PCNX2: variants seen among roughly 807,000 people sequenced by gnomAD.
PCNX2 encodes pecanex-like protein 2.
PCNX2 carries 168 observed loss-of-function variants against 223.8 expected under a neutral mutation model. That is an observed-to-expected ratio of 0.75 (90% CI 0.66 to 0.85). The LOEUF (loss-of-function observed/expected upper bound fraction) is 0.85, where lower values mean the gene tolerates loss of function less well. PCNX2 is among the 40% of genes least tolerant of loss of function. The pLI, the probability that PCNX2 is intolerant of heterozygous loss-of-function variation, is 0.00. For synonymous variants in PCNX2, 1,006 were observed against 1,052.6 expected (o/e 0.96, Z 0.86); for missense variants, 2,507 against 2,675.5 (o/e 0.94, Z 1.39).
At position 233,126,517 on chromosome 1, in the gene PCNX2, T is replaced by TG. The variant is rs1676109333; in HGVS notation, c.3837+8495_3837+8496insC. Among the ~76,000 whole-genome samples the TG allele has an allele frequency of 1.4e-5, 2 of 147,948 alleles. No individual in the cohort carries two copies. The highest frequency in any genetic ancestry group is 7.1e-5 in the Admixed American group (1 of 14,046). On this transcript the variant is annotated intron_variant, in intron 21 of 33. Coordinates refer to ENST00000258229, the MANE Select transcript of PCNX2 (RefSeq NM_014801.4). The surrounding 1 kb of genome is among the most constrained non-coding windows in gnomAD (Gnocchi z 4.8). ...AAATTTGTGTGGTGTGTGTGTGTGT[T>TG]TGTGTGTGTGTGTGTGTGTGTAAAT...
At chr1:233,060,169 T>G (rs780499255) in intron 23 of PCNX2, among the ~76,000 whole-genome samples, 3 of 152,324 alleles carry the variant, frequency 2.0e-5, no homozygotes, top group Non-Finnish European at 4.4e-5. Flanking sequence ...TCATAGCAGC[T>G]TTGAAAAATG....
At chr1:233,303,980 G>A in the PCNX2 span, among the ~76,000 whole-genome samples, 2 of 152,148 alleles carry the variant, frequency 1.3e-5, no homozygotes, top group Non-Finnish European at 2.9e-5. Flanking sequence ...TACATTTAAT[G>A]CAGTTGTAAT....
intron 19 of PCNX2, among the ~76,000 whole-genome samples, chr1:233,141,933 C>G (rs1466720350): frequency 6.6e-6 from 1 of 151,514 alleles, no homozygotes; most frequent in African/African-American, 2.4e-5. Flanking sequence ...TACAAACACT[C>G]CAACAATGAG....
chr1:233,023,270 CCTT>C (rs1217793443), intron 26 of PCNX2, among the ~76,000 whole-genome samples: 4 of 152,340 alleles, frequency 2.6e-5, no homozygotes, highest in South Asian at 2.1e-4. Context: ...TCTGTTTTCT[CCTT>C]CTTCTGTGAA....
intron 19 of PCNX2, among the ~76,000 whole-genome samples, chr1:233,156,576 A>G (rs960863743): frequency 2.0e-5 from 3 of 152,038 alleles, no homozygotes; most frequent in Non-Finnish European, 2.9e-5. Flanking sequence ...TGGGGAATCT[A>G]TTCAGGTTTA....
chr1:232,986,671 A>C, intron 32 of PCNX2, 131 bp from the exon 33 acceptor site: 2 of 845,686 alleles, frequency 2.4e-6, no homozygotes, highest in Non-Finnish European at 3.4e-6. Context: ...CAAGGCTGGG[A>C]CAAGAGCTGG....
chr1:233,240,933 T>G (rs1358065267), intron 8 of PCNX2, among the ~76,000 whole-genome samples: 1 of 152,222 alleles, frequency 6.6e-6, no homozygotes, highest in Non-Finnish European at 1.5e-5. Flanking sequence ...AAATTCTTCA[T>G]CTTCCCCAGA....
At chr1:232,985,627 T>C (rs1245340805) in intron 33 of PCNX2, 1 of 312,716 alleles carries the variant, frequency 3.2e-6, no homozygotes, top group African/African-American at 2.1e-5. Flanking sequence ...AGTATTTAAA[T>C]ACCTAAAAGC....
At chr1:233,250,617 T>A (rs1659395619) in intron 8 of PCNX2, 122 bp downstream of exon 8, 2 of 1,343,112 alleles carry the variant, frequency 1.5e-6, no homozygotes, top group Non-Finnish European at 1.9e-6. Flanking sequence ...CAAAACCACA[T>A]GCCTTAACAA....
chr1:233,272,129 T>C lies in PCNX2; in HGVS notation c.154-8966A>G, dbSNP rs142597643. On this transcript the variant is annotated intron_variant, in intron 1 of 33. Transcript: ENST00000258229. The stretch of plus-strand genomic sequence containing the variant: ...CCAAAAGCAAACGCAACAAAAGCAA[T>C]TGTAAATAAGTAGGACTTAATTAAA... Among the ~76,000 whole-genome samples the C allele has an allele frequency of 8.3e-4, 126 of 152,138 alleles. No individual in the cohort carries two copies. In the East Asian group the frequency reaches 0.021, roughly 25 times the overall value.
At chr1:233,202,701 T>C (rs1325459910) in intron 13 of PCNX2, among the ~76,000 whole-genome samples, 1 of 152,200 alleles carries the variant, frequency 6.6e-6, no homozygotes, top group African/African-American at 2.4e-5. Flanking sequence ...AAACCTCCAC[T>C]TATCTCCAAA....
intron 17 of PCNX2, among the ~76,000 whole-genome samples, chr1:233,165,758 G>C (rs1678757613): frequency 6.6e-6 from 1 of 152,154 alleles, no homozygotes; most frequent in African/African-American, 2.4e-5. Flanking sequence ...TCCTGGATTT[G>C]AAGATTCAGT....
At chr1:233,114,451 A>G (rs1006282499) in intron 21 of PCNX2, among the ~76,000 whole-genome samples, 13 of 152,232 alleles carry the variant, frequency 8.5e-5, no homozygotes, top group African/African-American at 3.1e-4. Flanking sequence ...GGCCAGTGTC[A>G]TGGGTTTGCC....
At chr1:233,319,746 T>C in the PCNX2 span, among the ~76,000 whole-genome samples, 3 of 152,212 alleles carry the variant, frequency 2.0e-5, no homozygotes, top group African/African-American at 7.2e-5. Context: ...TGCTTAAAAA[T>C]TATTAAAAAC....
chr1:233,192,913 AAAGTT>A (rs1207881356), intron 15 of PCNX2, among the ~76,000 whole-genome samples: 1 of 150,340 alleles, frequency 6.7e-6, no homozygotes, highest in African/African-American at 2.4e-5. Flanking sequence ...TTGCACACAA[AAAGTT>A]AAAAGGATAG....
rs548581845 is a variant in PCNX2 at position 233,046,745 on chromosome 1, C to A, written c.4351+7523G>T. On this transcript the variant is annotated intron_variant, in intron 25 of 33. Coordinates refer to ENST00000258229, the MANE Select transcript of PCNX2 (RefSeq NM_014801.4). ...GCCTCTATCTTGGGGATGGCTACATCTGTCAGTTCTAAGCCTCCTTCTGTA... is the reference window on the plus strand; with the variant it reads ...GCCTCTATCTTGGGGATGGCTACATATGTCAGTTCTAAGCCTCCTTCTGTA... Among the ~76,000 whole-genome samples, 16 of 152,322 alleles carry A rather than the reference C, an allele frequency of 1.1e-4. 1 individual carries two copies. In the South Asian group the frequency reaches 3.3e-3, roughly 32 times the overall value.
chr1:233,257,262 G>A (rs1659780722), intron 5 of PCNX2, among the ~76,000 whole-genome samples: 1 of 90,240 alleles, frequency 1.1e-5, no homozygotes, highest in Non-Finnish European at 2.8e-5. Context: ...GAACTTACTA[G>A]ATACTTGGGA....
chr1:233,186,410 G>A (rs1436681837), intron 15 of PCNX2, among the ~76,000 whole-genome samples: 2 of 152,094 alleles, frequency 1.3e-5, no homozygotes, highest in African/African-American at 4.8e-5. Flanking sequence ...GTGTCACCCA[G>A]TCCCTGAACT....
At chr1:233,119,468 C>T (rs1675630924) in intron 21 of PCNX2, among the ~76,000 whole-genome samples, 1 of 144,736 alleles carries the variant, frequency 6.9e-6, no homozygotes, top group Non-Finnish European at 1.5e-5. Context: ...GCCTGTAGTC[C>T]CAGCTACTCG....
Sources: allele counts gnomAD v4.1 joint callset (sites outside exome capture counted in the v4.1 genomes callset), GRCh38; gene constraint gnomAD v4.1.1; non-coding constraint Gnocchi (gnomAD v3.1); transcripts MANE v1.5; gene names NCBI Gene and HGNC (gene_info 2026-07-23, HGNC 2026-07-21).